The following SPATA16 variants were observed in gnomAD, a reference collection of about 807,000 sequenced individuals.
SPATA16 encodes spermatogenesis-associated protein 16.
SPATA16 carries 36 observed loss-of-function variants against 63.3 expected under a neutral mutation model. That is an observed-to-expected ratio of 0.57 (90% confidence interval 0.44 to 0.75). SPATA16 has a LOEUF of 0.75. SPATA16 is among the 30% of genes least tolerant of loss of function. The probability of loss-of-function intolerance (pLI) is 0.00; values close to 1 mark genes in which losing one functional copy is unlikely to be tolerated. For missense variants in SPATA16, 646 were observed against 679.3 expected (o/e 0.95, Z 0.54); for synonymous variants, 203 against 216.7 (o/e 0.94, Z 0.56).
In SPATA16 at chr3:173,048,797, A is replaced by T. The variant is rs748066973; in HGVS notation, c.758+152T>A. ...AGGTTTTGAGATTTTTGTGGTCTCCATGATTGCCTCACTTGACATAAAACA... is the reference window on the plus strand; with the variant it reads ...AGGTTTTGAGATTTTTGTGGTCTCCTTGATTGCCTCACTTGACATAAAACA... On this transcript the variant is annotated intron_variant, in intron 3 of 10. Coordinates refer to ENST00000351008, the MANE Select transcript of SPATA16 (RefSeq NM_031955.6). The T allele has an allele frequency of 7.2e-6, 7 of 973,360 alleles. No homozygotes were observed. The African/African-American group carries it at 1.1e-4, about 16-fold the overall frequency. 60.3% of individuals were successfully genotyped at this position (973,360 alleles called of 1,614,324 possible).
intron 4 of SPATA16, among the ~76,000 whole-genome samples, chr3:172,999,341 T>C (rs895935309): frequency 6.6e-6 from 1 of 152,186 alleles, no homozygotes; most frequent in African/African-American, 2.4e-5. Flanking sequence ...GTTAATAATA[T>C]TACTTTATTA....
chr3:172,913,984 T>C (rs571396719), intron 9 of SPATA16, among the ~76,000 whole-genome samples: 2 of 152,316 alleles, frequency 1.3e-5, no homozygotes, highest in East Asian at 3.9e-4. Context: ...ATATAGGTTT[T>C]AATGTAGTAA....
intron 6 of SPATA16, among the ~76,000 whole-genome samples, chr3:172,928,825 G>A (rs1386557911): frequency 6.6e-6 from 1 of 151,950 alleles, no homozygotes; most frequent in Admixed American, 6.6e-5. Context: ...ATATACATAT[G>A]GTTAAATTTA....
chr3:172,987,804 C>G (rs1301084244), intron 4 of SPATA16, among the ~76,000 whole-genome samples: 2 of 152,272 alleles, frequency 1.3e-5, no homozygotes, highest in South Asian at 4.1e-4. Flanking sequence ...AGAGAAACAG[C>G]TTACAGAGAA....
At chr3:173,057,470 T>C (rs1392090229) in intron 2 of SPATA16, among the ~76,000 whole-genome samples, 1 of 143,808 alleles carries the variant, frequency 7.0e-6, no homozygotes, top group Admixed American at 6.9e-5. Context: ...ACCGCTATTA[T>C]TCCTATCTAT....
chr3:172,964,612 T>C (rs1267013989), intron 5 of SPATA16, among the ~76,000 whole-genome samples: 1 of 152,234 alleles, frequency 6.6e-6, no homozygotes, highest in African/African-American at 2.4e-5. Flanking sequence ...GGACCCTTTT[T>C]TGTCATTGTG....
chr3:172,921,673 GTC>G (rs1732618283), intron 8 of SPATA16, among the ~76,000 whole-genome samples: 1 of 152,176 alleles, frequency 6.6e-6, no homozygotes, highest in Non-Finnish European at 1.5e-5. Context: ...CTGTAAAACA[GTC>G]TCTTTGTCAA....
intron 4 of SPATA16, among the ~76,000 whole-genome samples, chr3:173,019,171 A>G (rs536089757): frequency 6.6e-6 from 1 of 152,312 alleles, no homozygotes; most frequent in East Asian, 1.9e-4. Context: ...GAAATGTGTC[A>G]TTACAATGTG....
intron 4 of SPATA16, among the ~76,000 whole-genome samples, chr3:172,980,167 G>C (rs576893926): frequency 2.6e-5 from 4 of 152,314 alleles, no homozygotes; most frequent in African/African-American, 9.6e-5. Context: ...TGCAATATTT[G>C]TGAGGGAAGA....
intron 6 of SPATA16, among the ~76,000 whole-genome samples, chr3:172,929,915 G>A (rs1313813235): frequency 6.6e-6 from 1 of 151,932 alleles, no homozygotes; most frequent in Non-Finnish European, 1.5e-5. Flanking sequence ...AGCCTATTAT[G>A]AGGAAAGCCA....
intron 10 of SPATA16, among the ~76,000 whole-genome samples, chr3:172,901,155 A>G (rs1202190762): frequency 6.6e-6 from 1 of 151,680 alleles, no homozygotes; most frequent in Non-Finnish European, 1.5e-5. Flanking sequence ...TGTGTTTGTA[A>G]TTGCTCATTA....
At chr3:173,011,850 GA>G (rs1316248915) in intron 4 of SPATA16, among the ~76,000 whole-genome samples, 6 of 152,124 alleles carry the variant, frequency 3.9e-5, no homozygotes, top group African/African-American at 1.2e-4. Context: ...GACAGAGTCT[GA>G]ACTCTAGGAT....
At chr3:172,933,448 C>A (rs974340334) in intron 6 of SPATA16, among the ~76,000 whole-genome samples, 3 of 152,044 alleles carry the variant, frequency 2.0e-5, no homozygotes, top group African/African-American at 4.8e-5. Flanking sequence ...AGAGTGGGAT[C>A]CGGGAATTGT....
At position 172,896,038 on chromosome 3, in the gene SPATA16, G is replaced by C. The variant is rs927316874; in HGVS notation, c.1588-6346C>G. Among the ~76,000 whole-genome samples, 4 of 151,558 alleles carry C rather than the reference G, an allele frequency of 2.6e-5. No individual in the cohort carries two copies. The East Asian group carries it at 7.8e-4, about 30-fold the overall frequency. On this transcript the variant is annotated intron_variant, in intron 10 of 10. Coordinates refer to ENST00000351008, the MANE Select transcript of SPATA16 (RefSeq NM_031955.6). ...TGGTTGGATTGGAAATGAAATCAAAGGGAGTCAAAGCTGTCTTGTGCTGAG... is the reference window on the plus strand; with the variant it reads ...TGGTTGGATTGGAAATGAAATCAAACGGAGTCAAAGCTGTCTTGTGCTGAG...
chr3:173,036,903 A>AT (rs987833334), intron 3 of SPATA16, among the ~76,000 whole-genome samples: 2 of 152,016 alleles, frequency 1.3e-5, no homozygotes, highest in Non-Finnish European at 2.9e-5. Flanking sequence ...TGGGATTATC[A>AT]TTTTGAAGTG....
intron 3 of SPATA16, among the ~76,000 whole-genome samples, chr3:173,025,562 G>A (rs1735433787): frequency 6.6e-6 from 1 of 151,806 alleles, no homozygotes; most frequent in Non-Finnish European, 1.5e-5. Context: ...TAGAGATACA[G>A]AAATTTACAA....
chr3:173,130,105 G>A (rs1738332818), intron 1 of SPATA16, among the ~76,000 whole-genome samples: 1 of 152,134 alleles, frequency 6.6e-6, no homozygotes. Context: ...GCTCAAGCCT[G>A]TAATCCCAGC....
chr3:173,093,607 A>AAATC (rs1577170995), intron 2 of SPATA16, among the ~76,000 whole-genome samples: 1 of 152,308 alleles, frequency 6.6e-6, no homozygotes, highest in African/African-American at 2.4e-5. Context: ...ATAAGGATTA[A>AAATC]AATCATATTC....
intron 4 of SPATA16, among the ~76,000 whole-genome samples, chr3:173,007,607 A>G (rs1313710010): frequency 2.0e-5 from 3 of 152,192 alleles, no homozygotes; most frequent in Non-Finnish European, 4.4e-5. Flanking sequence ...GGCTAAAGAT[A>G]AGAACATTTT....
Sources: gnomAD v4.1 joint callset for allele counts (sites outside exome capture counted in the v4.1 genomes callset) on GRCh38, gnomAD v4.1.1 for gene constraint, MANE v1.5 for transcripts, NCBI Gene and HGNC (gene_info 2026-07-23, HGNC 2026-07-21) for gene names.